Variants in UBTD1 observed in about 807,000 individuals in gnomAD.
The protein encoded by UBTD1 is ubiquitin domain-containing protein 1.
UBTD1 carries 19 observed loss-of-function variants against 21.7 expected under a neutral mutation model. The ratio of observed to expected loss-of-function variants is 0.87; its 90% confidence interval spans 0.61 to 1.28. The LOEUF (loss-of-function observed/expected upper bound fraction) is 1.28, where lower values mean the gene tolerates loss of function less well. Among genes scored for constraint, UBTD1 ranks in the 50% most tolerant of loss-of-function variants. The probability of loss-of-function intolerance (pLI) is 0.00; values close to 1 mark genes in which losing one functional copy is unlikely to be tolerated. For missense variants in UBTD1, 282 were observed against 315.1 expected (o/e 0.89, Z 0.80); for synonymous variants, 116 against 135.1 (o/e 0.86, Z 0.98).
At chr10:97,504,685 C>T (rs374906776) in intron 1 of UBTD1, among the ~76,000 whole-genome samples, 11 of 152,314 alleles carry the variant, frequency 7.2e-5, no homozygotes, top group South Asian at 4.1e-4. Flanking sequence ...AAGAGCAGTG[C>T]CTGGTAAATA....
chr10:97,529,714 C>T (rs1212323360), intron 1 of UBTD1, among the ~76,000 whole-genome samples: 6 of 151,574 alleles, frequency 4.0e-5, no homozygotes, highest in East Asian at 3.9e-4. Context: ...AGCTTCGGCT[C>T]GGCATGAGAG....
At chr10:97,536,951 GC>G (rs1564740313) in intron 1 of UBTD1, among the ~76,000 whole-genome samples, 2 of 152,108 alleles carry the variant, frequency 1.3e-5, no homozygotes. Context: ...CCTTGGAGGG[GC>G]TGACCTTCGG....
chr10:97,553,877 T>C (rs983458298), intron 1 of UBTD1, among the ~76,000 whole-genome samples: 1 of 152,174 alleles, frequency 6.6e-6, no homozygotes, highest in African/African-American at 2.4e-5. Flanking sequence ...AATTAGGCGC[T>C]GTTAATACTT....
At chr10:97,538,595 C>T (rs187452770) in intron 1 of UBTD1, among the ~76,000 whole-genome samples, 1 of 152,274 alleles carries the variant, frequency 6.6e-6, no homozygotes, top group African/African-American at 2.4e-5. Context: ...CCATGCTCGT[C>T]TGGACGTCCA....
intron 1 of UBTD1, among the ~76,000 whole-genome samples, chr10:97,562,561 CA>C: frequency 6.6e-6 from 1 of 151,730 alleles, no homozygotes. Flanking sequence ...GAGGATATTA[CA>C]AAATACCTTC....
At chr10:97,499,977 A>G (rs1454151970) in intron 1 of UBTD1, among the ~76,000 whole-genome samples, 1 of 152,016 alleles carries the variant, frequency 6.6e-6, no homozygotes, top group African/African-American at 2.4e-5. Context: ...CTGCCCTGGC[A>G]TTTCGCCCCG....
intron 1 of UBTD1, 57 bp downstream of exon 1, chr10:97,499,330 G>T: frequency 6.5e-7 from 1 of 1,528,644 alleles, no homozygotes. Context: ...CCCCCTCCTC[G>T]CCCGAGTCCT....
chr10:97,564,079 C>T (rs11528109), intron 1 of UBTD1, among the ~76,000 whole-genome samples: 41,014 of 151,832 alleles, frequency 0.27, 5,828 homozygotes, highest in East Asian at 0.49. Context: ...AAGTAGGGTC[C>T]GGTCCATCGA....
chr10:97,561,627 A>G (rs1200355707), intron 1 of UBTD1, among the ~76,000 whole-genome samples: 1 of 152,186 alleles, frequency 6.6e-6, no homozygotes, highest in African/African-American at 2.4e-5. Flanking sequence ...GAATAACATC[A>G]GTTTCTAAGT....
chr10:97,527,980 G>T (rs1175532491), intron 1 of UBTD1, among the ~76,000 whole-genome samples: 1 of 151,974 alleles, frequency 6.6e-6, no homozygotes, highest in East Asian at 1.9e-4. Flanking sequence ...CCCAGACGGG[G>T]TGGTGGCCGG....
intron 1 of UBTD1, among the ~76,000 whole-genome samples, chr10:97,561,592 C>G (rs1182391317): frequency 2.0e-5 from 3 of 152,100 alleles, no homozygotes; most frequent in Non-Finnish European, 2.9e-5. Context: ...TCACGATGTT[C>G]TTCTATACAA....
chr10:97,533,745 G>A (rs1201504985), intron 1 of UBTD1, among the ~76,000 whole-genome samples: 1 of 152,034 alleles, frequency 6.6e-6, no homozygotes, highest in African/African-American at 2.4e-5. Flanking sequence ...CCAACATGGT[G>A]AAACCCGTCT....
intron 2 of UBTD1, among the ~76,000 whole-genome samples, chr10:97,568,793 G>A (rs1384757901): frequency 6.6e-6 from 1 of 152,180 alleles, no homozygotes; most frequent in Non-Finnish European, 1.5e-5. Flanking sequence ...GTAAAGCAGA[G>A]GGTGACAGTG....
chr10:97,528,241 A>C (rs1365167944), intron 1 of UBTD1, among the ~76,000 whole-genome samples: 1 of 109,858 alleles, frequency 9.1e-6, no homozygotes, highest in Non-Finnish European at 2.0e-5. Context: ...ACTTCCCAGT[A>C]GGGGCGGCCG....
chr10:97,563,853 T>G (rs1354692209), intron 1 of UBTD1, among the ~76,000 whole-genome samples: 1 of 152,140 alleles, frequency 6.6e-6, no homozygotes, highest in African/African-American at 2.4e-5. Flanking sequence ...AGAATAGACC[T>G]AATAAAAATG....
intron 1 of UBTD1, among the ~76,000 whole-genome samples, chr10:97,502,861 A>G (rs542812232): frequency 6.7e-6 from 1 of 148,770 alleles, no homozygotes; most frequent in African/African-American, 2.5e-5. Flanking sequence ...ATATACGTAT[A>G]TATACGTATA....
chr10:97,505,631 G>T lies in UBTD1; in HGVS notation c.70+6358G>T, dbSNP rs1288774203. On this transcript the variant is annotated intron_variant, in intron 1 of 2. Transcript: ENST00000370664. ...GTTTCATCTGGCATTGGTGGAAAAT[G>T]AAGCCTGGGGTCTCTGCTCCTTCCT... is the stretch of plus-strand genomic sequence containing the variant. Among the ~76,000 whole-genome samples the T allele has an allele frequency of 3.3e-5, 5 of 152,358 alleles. No individual in the cohort carries two copies. In the South Asian group the frequency reaches 6.2e-4, roughly 19 times the overall value.
intron 1 of UBTD1, among the ~76,000 whole-genome samples, chr10:97,543,155 A>G (rs539069917): frequency 4.1e-4 from 63 of 152,342 alleles, no homozygotes; most frequent in Middle Eastern, 3.4e-3. Flanking sequence ...CTAGAGTGCA[A>G]TGCGGACCCC....
chr10:97,542,596 G>A (rs190468318), intron 1 of UBTD1, among the ~76,000 whole-genome samples: 1 of 152,324 alleles, frequency 6.6e-6, no homozygotes, highest in African/African-American at 2.4e-5. Flanking sequence ...GCTGAGTTTA[G>A]TCAGGAGGCG....
Sources: allele counts gnomAD v4.1 joint callset (sites outside exome capture counted in the v4.1 genomes callset), GRCh38; gene constraint gnomAD v4.1.1; transcripts MANE v1.5; gene names NCBI Gene and HGNC (gene_info 2026-07-23, HGNC 2026-07-21).